GLRA2: variants seen among roughly 807,000 people sequenced by gnomAD.
GLRA2 encodes glycine receptor alpha 2.
GLRA2 carries 11 observed loss-of-function variants against 31.6 expected under a neutral mutation model. That is an observed-to-expected ratio of 0.35 (90% CI 0.22 to 0.58). The LOEUF is 0.58. GLRA2 is among the 20% of genes least tolerant of loss of function. The probability of loss-of-function intolerance (pLI) is 0.84; values close to 1 mark genes in which losing one functional copy is unlikely to be tolerated. For missense variants in GLRA2, 212 were observed against 351.8 expected, an observed-to-expected ratio of 0.60 and a Z score of 3.18; for synonymous variants, 132 against 134.0, an observed-to-expected ratio of 0.99 and a Z score of 0.10.
intron 7 of GLRA2, among the ~76,000 whole-genome samples, chrX:14,635,386 A>G (rs1157864359): frequency 8.9e-6 from 1 of 112,116 alleles, no homozygotes; most frequent in East Asian, 2.8e-4. Context: ...GAGAAAATGA[A>G]GACAGCAAAA....
the GLRA2 span, among the ~76,000 whole-genome samples, chrX:14,493,430 C>T: frequency 1.9e-5 from 2 of 106,958 alleles, no homozygotes; most frequent in Non-Finnish European, 3.9e-5. Flanking sequence ...CATTCACAGA[C>T]CTTTACACCA....
chrX:14,584,063 AGAG>A (rs2090054623), intron 4 of GLRA2, among the ~76,000 whole-genome samples: 1 of 111,129 alleles, frequency 9.0e-6, no homozygotes, highest in African/African-American at 3.3e-5. Flanking sequence ...GTGGAGGGAA[AGAG>A]GAGGACGAGA....
chrX:14,632,374 C>A (rs139726261), intron 7 of GLRA2, among the ~76,000 whole-genome samples: 3,084 of 110,864 alleles, frequency 0.028, 70 homozygotes, highest in African/African-American at 0.077. Context: ...TTGAATGTGA[C>A]AATGTAGATA....
intron 7 of GLRA2, among the ~76,000 whole-genome samples, chrX:14,683,655 C>T (rs1206671680): frequency 9.0e-6 from 1 of 111,356 alleles, no homozygotes; most frequent in East Asian, 2.8e-4. Flanking sequence ...GCCTAGGTTT[C>T]CTTCTAGGGT....
intron 2 of GLRA2, among the ~76,000 whole-genome samples, chrX:14,545,356 C>A (rs2089464424): frequency 9.0e-6 from 1 of 111,169 alleles, no homozygotes; most frequent in African/African-American, 3.3e-5. Flanking sequence ...CTGAATTCAT[C>A]CTTTTATCAG....
the GLRA2 span, among the ~76,000 whole-genome samples, chrX:14,488,577 G>A: frequency 4.5e-5 from 5 of 112,300 alleles, no homozygotes; most frequent in East Asian, 2.8e-4. Context: ...TGGCAATGTC[G>A]CATTTTAAAG....
At chrX:14,615,179 G>A (rs149861745) in intron 7 of GLRA2, among the ~76,000 whole-genome samples, 16 of 111,814 alleles carry the variant, frequency 1.4e-4, no homozygotes, top group Admixed American at 1.4e-3. Context: ...GGAAATGTTC[G>A]TGTACCCACC....
the GLRA2 span, among the ~76,000 whole-genome samples, chrX:14,483,909 G>A: frequency 9.0e-6 from 1 of 110,993 alleles, no homozygotes; most frequent in African/African-American, 3.3e-5. Flanking sequence ...GCAGAAAAAT[G>A]TGAAAAGAGA....
At chrX:14,498,811 A>G in the GLRA2 span, among the ~76,000 whole-genome samples, 1 of 110,764 alleles carries the variant, frequency 9.0e-6, no homozygotes, top group South Asian at 3.8e-4. Context: ...TTTCCTGTCT[A>G]TCTTCATGAG....
the GLRA2 span, among the ~76,000 whole-genome samples, chrX:14,464,549 T>TA: frequency 3.6e-5 from 4 of 110,198 alleles, no homozygotes; most frequent in Non-Finnish European, 7.6e-5. Context: ...TGTATCTATT[T>TA]TTTATTTATT....
chrX:14,727,287 G>C (rs1051980461), intron 8 of GLRA2, among the ~76,000 whole-genome samples: 1 of 111,954 alleles, frequency 8.9e-6, no homozygotes, highest in Non-Finnish European at 1.9e-5. Flanking sequence ...ACAGATCCCA[G>C]CTCAGCCTTG....
At chrX:14,524,166 A>T in the GLRA2 span, among the ~76,000 whole-genome samples, 5 of 112,628 alleles carry the variant, frequency 4.4e-5, no homozygotes, top group Admixed American at 4.7e-4. Context: ...TAATAAAACA[A>T]GGTATGCCTA....
intron 8 of GLRA2, among the ~76,000 whole-genome samples, chrX:14,727,701 G>T (rs1003532135): frequency 3.6e-5 from 4 of 112,491 alleles, no homozygotes; most frequent in Non-Finnish European, 7.5e-5. Context: ...TTAAGGCAAA[G>T]AAAACAGGTT....
upstream of GLRA2, among the ~76,000 whole-genome samples, chrX:14,525,051 CTA>C (rs1282069926): frequency 9.0e-6 from 1 of 111,227 alleles, no homozygotes; most frequent in African/African-American, 3.3e-5. Context: ...ATTTTGAAAA[CTA>C]TAAAGCATTA....
chrX:14,508,461 T>C, the GLRA2 span, among the ~76,000 whole-genome samples: 3 of 112,162 alleles, frequency 2.7e-5, no homozygotes, highest in Non-Finnish European at 3.8e-5. Flanking sequence ...GAGTGGCATT[T>C]GGAGCACAGA....
chrX:14,638,516 T>C (rs2090739322), intron 7 of GLRA2, among the ~76,000 whole-genome samples: 1 of 111,313 alleles, frequency 9.0e-6, no homozygotes, highest in Non-Finnish European at 1.9e-5. Context: ...TATCCTTCCA[T>C]AAACCAATGA....
the GLRA2 span, among the ~76,000 whole-genome samples, chrX:14,495,068 A>G: frequency 9.0e-6 from 1 of 111,716 alleles, no homozygotes; most frequent in Non-Finnish European, 1.9e-5. Context: ...CAAGTGATTG[A>G]ATGAATGTCT....
chrX:14,680,494 A>G (rs1448245249), intron 7 of GLRA2, among the ~76,000 whole-genome samples: 1 of 112,325 alleles, frequency 8.9e-6, no homozygotes, highest in African/African-American at 3.2e-5. Flanking sequence ...TTGTAAGCCC[A>G]AGAATCATAA....
At chrX:14,514,863 A>G in the GLRA2 span, among the ~76,000 whole-genome samples, 1 of 110,579 alleles carries the variant, frequency 9.0e-6, no homozygotes, top group Non-Finnish European at 1.9e-5. Flanking sequence ...TCTGTGTACA[A>G]TCCTTGCCTT....
Sources: gnomAD v4.1 joint callset for allele counts (sites outside exome capture counted in the v4.1 genomes callset) on GRCh38, gnomAD v4.1.1 for gene constraint, MANE v1.5 for transcripts, NCBI Gene and HGNC (gene_info 2026-07-23, HGNC 2026-07-21) for gene names.